Variants in RIN3 observed in about 807,000 individuals in gnomAD.
RIN3 encodes RAB5 interacting protein 3.
In RIN3, 54 loss-of-function variants were observed where a neutral mutation model predicts 76.3. The observed-to-expected ratio is 0.71, with a 90% confidence interval of 0.57 to 0.89. RIN3 has a LOEUF of 0.89. Ranked by LOEUF, RIN3 falls within the 40% of genes least tolerant of loss-of-function variation. The pLI is 0.00. For synonymous variants in RIN3, 576 were observed against 564.0 expected, an observed-to-expected ratio of 1.02 and a Z score of -0.30; for missense variants, 1,256 against 1,322.1, an observed-to-expected ratio of 0.95 and a Z score of 0.78.
intron 7 of RIN3, among the ~76,000 whole-genome samples, chr14:92,670,544 T>G (rs1888255291): frequency 6.6e-6 from 1 of 152,208 alleles, no homozygotes; most frequent in Non-Finnish European, 1.5e-5. Context: ...AATGTTGGGC[T>G]GGGACCCAGT....
intron 1 of RIN3, among the ~76,000 whole-genome samples, chr14:92,527,340 C>T (rs1374136626): frequency 6.6e-6 from 1 of 152,292 alleles, no homozygotes; most frequent in African/African-American, 2.4e-5. Context: ...GCGTGAGCCA[C>T]TGCACCTGGC....
chr14:92,684,008 C>T (rs1888754766), intron 8 of RIN3, among the ~76,000 whole-genome samples: 1 of 152,156 alleles, frequency 6.6e-6, no homozygotes, highest in Admixed American at 6.5e-5. Context: ...CCTAGTCTAC[C>T]TTAAATGTTC....
chr14:92,548,173 T>G (rs1384009702), intron 1 of RIN3, among the ~76,000 whole-genome samples: 4 of 152,188 alleles, frequency 2.6e-5, no homozygotes, highest in Non-Finnish European at 5.9e-5. Context: ...TATTCCCAAG[T>G]GGAATAATGA....
intron 7 of RIN3, among the ~76,000 whole-genome samples, chr14:92,665,536 GC>G (rs1888060499): frequency 6.6e-6 from 1 of 151,764 alleles, no homozygotes; most frequent in South Asian, 2.1e-4. Context: ...CCACCACCAT[GC>G]CCGGCTAATT....
intron 1 of RIN3, among the ~76,000 whole-genome samples, chr14:92,523,671 T>C (rs1344522457): frequency 6.6e-6 from 1 of 151,958 alleles, no homozygotes; most frequent in Non-Finnish European, 1.5e-5. Flanking sequence ...TTTTTTTTCA[T>C]ATTAAGTGTT....
At chr14:92,537,840 TA>T (rs71301941) in intron 1 of RIN3, among the ~76,000 whole-genome samples, 20,082 of 138,610 alleles carry the variant, frequency 0.14, 1,495 homozygotes, top group Middle Eastern at 0.21. Flanking sequence ...TTATTTTATT[TA>T]TTTTTTTTTT....
intron 1 of RIN3, among the ~76,000 whole-genome samples, chr14:92,525,184 C>T (rs145528485): frequency 8.5e-4 from 129 of 152,234 alleles, no homozygotes; most frequent in African/African-American, 2.5e-3. Context: ...CAAGGAGCAC[C>T]CTCTTCTAAT....
At chr14:92,570,886 G>T (rs1007808404) in intron 2 of RIN3, among the ~76,000 whole-genome samples, 12 of 152,212 alleles carry the variant, frequency 7.9e-5, no homozygotes, top group Admixed American at 1.3e-4. Flanking sequence ...ATTGGTTACA[G>T]ATTGCTACAA....
chr14:92,678,234 G>C (rs1162411236), intron 8 of RIN3, among the ~76,000 whole-genome samples: 1 of 115,034 alleles, frequency 8.7e-6, no homozygotes, highest in Non-Finnish European at 1.8e-5. Flanking sequence ...ATCCATCCAT[G>C]CATCCACTCA....
intron 1 of RIN3, among the ~76,000 whole-genome samples, chr14:92,540,212 C>T (rs1446600270): frequency 1.3e-5 from 2 of 152,202 alleles, no homozygotes; most frequent in African/African-American, 2.4e-5. Flanking sequence ...TCAGCGCTTC[C>T]GAGGTCCGGA....
chr14:92,615,723 C>T (rs764466420), intron 4 of RIN3: 3 of 514,704 alleles, frequency 5.8e-6, no homozygotes, highest in South Asian at 4.8e-5. Flanking sequence ...GCCTGTCTCT[C>T]AGCTTCCTGT....
At chr14:92,518,789 C>CTGTGTGTGTGTGTGTG (rs61124300) in intron 1 of RIN3, among the ~76,000 whole-genome samples, 3,481 of 128,372 alleles carry the variant, frequency 0.027, 105 homozygotes, top group Admixed American at 0.044. Context: ...TAAGGGTGGC[C>CTGTGTGTGTGTGTGTG]TGTGTGTGTG....
rs952965123 is a variant in RIN3 at position 92,685,921 on chromosome 14, C to A, written c.2631+771C>A. ...CTCCTCTGGGCTTCCTGCGGCCTCC[C>A]CTTTTACAGTGCATATCACATCCTA... On this transcript the variant is annotated intron_variant, in intron 9 of 9. Transcript: ENST00000216487. The surrounding 1 kb of genome is among the most constrained non-coding windows in gnomAD (Gnocchi z 4.7). The A allele has an allele frequency of 6.6e-6, 1 of 152,546 alleles. No individual in the cohort carries two copies. The highest frequency in any genetic ancestry group is 2.4e-5 in the African/African-American group (1 of 41,448). 9.4% of individuals were successfully genotyped at this position (152,546 alleles called of 1,614,324 possible).
chr14:92,561,056 TCTGCCATATATATGCCATAA>T (rs1566843292), intron 2 of RIN3, among the ~76,000 whole-genome samples: 7 of 37,898 alleles, frequency 1.8e-4, no homozygotes, highest in African/African-American at 2.5e-4. Context: ...TATATATATA[TCTGCCATATATATGCCATAA>T]ATATATATAT....
Position 92,643,134 on chromosome 14 carries a change from A to G in RIN3, c.532+1805A>G, listed in dbSNP as rs1887077748. Among the ~76,000 whole-genome samples, 1 of 151,748 alleles carries G rather than the reference A, an allele frequency of 6.6e-6. No homozygotes were observed. The highest frequency in any genetic ancestry group is 1.5e-5 in the Non-Finnish European group (1 of 67,936). On this transcript the variant is annotated intron_variant, in intron 5 of 9. Coordinates refer to ENST00000216487, the MANE Select transcript of RIN3 (RefSeq NM_024832.5). The surrounding 1 kb of genome is among the most constrained non-coding windows in gnomAD (Gnocchi z 4.8). ...AGTGGTGCGATCTTGGCTCACTGCA[A>G]CCTCCACCTCCCAGGTTCAAGCGAT...
intron 7 of RIN3, among the ~76,000 whole-genome samples, chr14:92,661,660 G>T (rs997375670): frequency 3.3e-5 from 5 of 151,128 alleles, no homozygotes; most frequent in Non-Finnish European, 5.9e-5. Context: ...GGAGGCAGAC[G>T]TTGCAGTGAG....
intron 8 of RIN3, among the ~76,000 whole-genome samples, chr14:92,676,834 G>T (rs1453863940): frequency 6.6e-6 from 1 of 152,196 alleles, no homozygotes; most frequent in Non-Finnish European, 1.5e-5. Flanking sequence ...CGTAACAAGT[G>T]CTGGAATAGT....
At chr14:92,551,221 G>A (rs7157029) in intron 1 of RIN3, among the ~76,000 whole-genome samples, 42,553 of 152,034 alleles carry the variant, frequency 0.28, 6,566 homozygotes, top group Middle Eastern at 0.4. Flanking sequence ...GTACTTTTTT[G>A]CATTTGGCTT....
chr14:92,547,096 T>TAAAATA (rs1897290098), intron 1 of RIN3, among the ~76,000 whole-genome samples: 1 of 94,848 alleles, frequency 1.1e-5, no homozygotes, highest in African/African-American at 3.8e-5. Flanking sequence ...TATTATATTA[T>TAAAATA]AATTAAATAA....
Sources: gnomAD v4.1 joint callset for allele counts (sites outside exome capture counted in the v4.1 genomes callset) on GRCh38, gnomAD v4.1.1 for gene constraint, Gnocchi (gnomAD v3.1) non-coding constraint, MANE v1.5 for transcripts, NCBI Gene and HGNC (gene_info 2026-07-23, HGNC 2026-07-21) for gene names.